The following CFAP70 variants were observed in gnomAD, a reference collection of about 807,000 sequenced individuals.
CFAP70 encodes cilia- and flagella-associated protein 70.
Under a neutral mutation model 137.6 loss-of-function variants are expected in CFAP70, and 81 were observed. The observed-to-expected ratio is 0.59, with a 90% CI of 0.49 to 0.71. The LOEUF is 0.71. CFAP70 is among the 30% of genes least tolerant of loss of function. CFAP70 has a pLI of 0.00. For synonymous variants in CFAP70, 382 were observed against 423.6 expected, an observed-to-expected ratio of 0.90 and a Z score of 1.20; for missense variants, 976 against 1,226.7, an observed-to-expected ratio of 0.80 and a Z score of 3.05.
intron 26 of CFAP70, among the ~76,000 whole-genome samples, chr10:73,255,175 G>A (rs774992030): frequency 6.6e-6 from 1 of 152,130 alleles, no homozygotes; most frequent in Non-Finnish European, 1.5e-5. Flanking sequence ...GAGGCGGGGG[G>A]ATCACAAGGT....
intron 22 of CFAP70, 109 bp from the exon 24 acceptor site, chr10:73,274,703 TTTTC>T: frequency 1.9e-6 from 2 of 1,064,420 alleles, no homozygotes; most frequent in African/African-American, 1.6e-5. Flanking sequence ...TTCCTTTCTC[TTTTC>T]TTTTTCAGAT....
intron 12 of CFAP70, among the ~76,000 whole-genome samples, chr10:73,302,885 T>TC (rs2049061315): frequency 2.1e-5 from 3 of 144,660 alleles, no homozygotes; most frequent in Non-Finnish European, 3.1e-5. Flanking sequence ...TTTCTTTTCT[T>TC]TTTTTTTTTT....
chr10:73,318,253 A>G (rs1281175663), intron 9 of CFAP70, among the ~76,000 whole-genome samples: 1 of 152,148 alleles, frequency 6.6e-6, no homozygotes, highest in Non-Finnish European at 1.5e-5. Flanking sequence ...CTTTTTGTCC[A>G]TTTGTCCAGC....
chr10:73,338,555 C>T (rs1288668203), intron 6 of CFAP70, among the ~76,000 whole-genome samples: 5 of 151,668 alleles, frequency 3.3e-5, no homozygotes, highest in East Asian at 1.9e-4. Context: ...CTCAGCCTCC[C>T]GAGTAGCTGA....
At chr10:73,323,460 C>G (rs924980476) in intron 8 of CFAP70, among the ~76,000 whole-genome samples, 1 of 152,088 alleles carries the variant, frequency 6.6e-6, no homozygotes, top group Non-Finnish European at 1.5e-5. Context: ...CTAGGGGGTG[C>G]CAGACAGTGG....
At chr10:73,354,327 CTT>C (rs1196402391) in intron 2 of CFAP70, among the ~76,000 whole-genome samples, 1 of 152,104 alleles carries the variant, frequency 6.6e-6, no homozygotes, top group East Asian at 1.9e-4. Context: ...TCTTTTTAAA[CTT>C]AATATACTGA....
At chr10:73,313,142 G>A (rs559151433) in intron 9 of CFAP70, among the ~76,000 whole-genome samples, 2 of 152,224 alleles carry the variant, frequency 1.3e-5, no homozygotes, top group African/African-American at 4.8e-5. Flanking sequence ...GGAGGCCGAG[G>A]CATGTGGATC....
intron 25 of CFAP70, 112 bp from the exon 27 acceptor site, chr10:73,256,528 C>T: frequency 2.0e-6 from 2 of 1,024,326 alleles, no homozygotes; most frequent in African/African-American, 1.6e-5. Context: ...GAGGCTTCTA[C>T]ACCTTCCAGT....
intron 19 of CFAP70, among the ~76,000 whole-genome samples, chr10:73,288,183 C>T (rs758297075): frequency 1.3e-5 from 2 of 152,140 alleles, no homozygotes; most frequent in Non-Finnish European, 2.9e-5. Flanking sequence ...AGGTGTGAGC[C>T]ACCGTGCCCG....
intron 8 of CFAP70, 100 bp from the exon 10 acceptor site, chr10:73,323,197 A>G (rs575526370): frequency 4.0e-5 from 46 of 1,147,436 alleles, no homozygotes; most frequent in Non-Finnish European, 1.5e-5. Context: ...TTAGAAACTA[A>G]CTCAACTACT....
intron 3 of CFAP70, 24 bp downstream of exon 3, chr10:73,353,532 A>G: frequency 6.2e-7 from 1 of 1,600,808 alleles, no homozygotes; most frequent in Non-Finnish European, 8.5e-7. Context: ...CGGGACATTG[A>G]TTTTTAGAAC....
At chr10:73,349,313 G>A (rs1247792079) in intron 3 of CFAP70, among the ~76,000 whole-genome samples, 9 of 152,054 alleles carry the variant, frequency 5.9e-5, no homozygotes, top group Non-Finnish European at 8.8e-5. Flanking sequence ...GCTGAGGCGG[G>A]CAGATCACGA....
At chr10:73,353,481 G>T in intron 3 of CFAP70, 75 bp downstream of exon 3, 2 of 1,302,974 alleles carry the variant, frequency 1.5e-6, no homozygotes, top group Non-Finnish European at 2.2e-6. Flanking sequence ...GAATGTTTTG[G>T]TTGTGCTTTT....
chr10:73,291,975 C>T lies in CFAP70; in HGVS notation c.1810G>A (p.Asp604Asn), dbSNP rs1005706292. 2.5e-6 allele frequency: 4 copies of T among 1,614,066 alleles called. No individual in the cohort carries two copies. In the African/African-American group the frequency reaches 5.3e-5, roughly 22 times the overall value. ...GTTAGGAGGCAGAAGGCACCATAGT[C>T]CAACCAGTGATCCAGATTCTGGGGC... The change falls in exon 17 of 27, where the codon GAC (aspartate) becomes AAC (asparagine). Residue 604 changes from aspartate to asparagine, a missense_variant. Asp to Asn is a conservative substitution (Grantham distance 23). Coordinates refer to ENST00000310715, the Ensembl canonical transcript of CFAP70.
At chr10:73,290,407 A>G (rs931280114) in intron 19 of CFAP70, among the ~76,000 whole-genome samples, 1 of 152,216 alleles carries the variant, frequency 6.6e-6, no homozygotes. Flanking sequence ...GGAGCAAGAG[A>G]AAGAGATGCC....
At chr10:73,311,688 A>G (rs2049933655) in intron 11 of CFAP70, 146 bp downstream of exon 12, 3 of 709,786 alleles carry the variant, frequency 4.2e-6, no homozygotes, top group Non-Finnish European at 7.4e-6. Flanking sequence ...AGACAAAGAA[A>G]TTTGCCCAAA....
intron 9 of CFAP70, among the ~76,000 whole-genome samples, chr10:73,316,362 T>G (rs2050332679): frequency 1.3e-5 from 2 of 150,430 alleles, no homozygotes; most frequent in Non-Finnish European, 3.0e-5. Flanking sequence ...TTCCATGCTA[T>G]TTGTTTTCTA....
intron 12 of CFAP70, among the ~76,000 whole-genome samples, chr10:73,305,670 G>A (rs1445590038): frequency 6.6e-6 from 1 of 152,180 alleles, no homozygotes; most frequent in Non-Finnish European, 1.5e-5. Context: ...CTGAACACAA[G>A]TTACACCTTC....
chr10:73,253,831 C>T, exon 27 of CFAP70: 1 of 572,798 alleles, frequency 1.7e-6, no homozygotes, highest in Admixed American at 3.4e-5. Flanking sequence ...CATCCAGTAA[C>T]ACAGCCAATG....
Sources: gnomAD v4.1 joint callset for allele counts (sites outside exome capture counted in the v4.1 genomes callset) on GRCh38, gnomAD v4.1.1 for gene constraint, MANE v1.5 for transcripts, NCBI Gene and HGNC (gene_info 2026-07-23, HGNC 2026-07-21) for gene names.